IK: variants seen among roughly 807,000 people sequenced by gnomAD.
The protein encoded by IK is protein Red.
A neutral mutation model predicts 90.9 loss-of-function variants in IK; 47 were observed. That is an observed-to-expected ratio of 0.52 (90% CI 0.41 to 0.66). IK has a LOEUF of 0.66. Ranked by LOEUF, IK falls within the 30% of genes least tolerant of loss-of-function variation. The pLI is 0.00. For missense variants in IK, 385 were observed against 709.3 expected, an observed-to-expected ratio of 0.54 and a Z score of 5.19; for synonymous variants, 201 against 227.5, an observed-to-expected ratio of 0.88 and a Z score of 1.05.
rs1757757577 is a variant in IK at position 140,659,047 on chromosome 5, CCGTGACCGAGAGCGAGAGCGAGAA to C, written c.1062_1085del (p.Arg368_Glu375del). ...AGCGTGATCGGGAAAGAGACAGAGA[CCGTGACCGAGAGCGAGAGCGAGAA>C]CGAGATCGGGAACGAGAGCGAGAGC... On this transcript the variant is annotated inframe_deletion, in exon 12 of 20. Coordinates refer to ENST00000417647, the MANE Select transcript of IK (RefSeq NM_006083.4). The C allele has an allele frequency of 6.2e-7, 1 of 1,610,784 alleles. No homozygotes were observed. Among genetic ancestry groups the C allele is most frequent in the Non-Finnish European group, 8.5e-7 (1 of 1,177,280 alleles).
chr5:140,658,758 C>A lies in IK; in HGVS notation c.932C>A (p.Pro311His). Residue 311 changes from proline (P) to histidine (H), a missense_variant, in exon 11 of 20, where the codon CCT becomes CAT. Around this residue, in one of 8 missense-constraint regions of IK, gnomAD observed 139 missense variants for 172.0 expected, o/e 0.81. Coordinates refer to ENST00000417647, the MANE Select transcript of IK (RefSeq NM_006083.4). ...TCAGGGAAGCTGGAAGAGAAGAAACCTCCTGAGGCTGACATGAAGTATGTA... is the reference window on the plus strand; with the variant it reads ...TCAGGGAAGCTGGAAGAGAAGAAACATCCTGAGGCTGACATGAAGTATGTA... ...KDKGKLEEKK[P>H]PEADMNIFED... 1 of 1,611,292 alleles carries A rather than the reference C, an allele frequency of 6.2e-7. No individual in the cohort carries two copies. Among genetic ancestry groups the A allele is most frequent in the South Asian group, 1.1e-5 (1 of 90,494 alleles).
chr5:140,659,097 G>A lies in IK; in HGVS notation c.1109G>A (p.Arg370Gln), dbSNP rs771800073. The A allele has an allele frequency of 2.9e-5, 47 of 1,611,742 alleles. No individual in the cohort carries two copies. Among genetic ancestry groups the A allele is most frequent in the Admixed American group, 1.2e-4 (7 of 59,430 alleles). Residue 370 changes from arginine (R) to glutamine (Q), a missense_variant, in exon 12 of 20, where the codon CGG (arginine) becomes CAG (glutamine). This residue lies in a region of IK where 139 missense variants were observed against 172.0 expected (regional missense o/e 0.81). Transcript: ENST00000417647. ...RERDRERERE[R>Q]DREREEEKKR... Reference sequence around the variant, plus strand: ...CGAGATCGGGAACGAGAGCGAGAGCGGGACCGAGAGAGAGAAGAGGAAAAG... The same window carrying A: ...CGAGATCGGGAACGAGAGCGAGAGCAGGACCGAGAGAGAGAAGAGGAAAAG...
At chr5:140,657,685 A>G (rs531516469) in intron 10 of IK, 23 bp downstream of exon 10, 16 of 1,518,196 alleles carry the variant, frequency 1.1e-5, no homozygotes, top group Non-Finnish European at 1.4e-5. Context: ...TTAGAGAGAG[A>G]AGCCTTACCC....
Position 140,662,210 on chromosome 5 carries a change from A to C in IK, c.1643A>C (p.Asp548Ala). ...IIEKRKKMEA[D>A]GVEVKRPKY The stretch of plus-strand genomic sequence containing the variant: ...GAGAAGAGGAAGAAGATGGAAGCTG[A>C]TGGGTGAGCGGCATTATTCTTCCTC... The change falls in exon 19 of 20, where the codon GAT (aspartate) becomes GCT (alanine). Residue 548 changes from aspartate to alanine, a missense_variant. Transcript: ENST00000417647. 6.2e-7 allele frequency: 1 copy of C among 1,613,988 alleles called. No homozygotes were observed. The highest frequency in any genetic ancestry group is 8.5e-7 in the Non-Finnish European group (1 of 1,179,900).
chr5:140,653,221 AC>A, intron 5 of IK, 77 bp downstream of exon 5: 1 of 1,313,604 alleles, frequency 7.6e-7, no homozygotes. Context: ...TCTTCCTCTT[AC>A]TTTCCTGCCC....
At position 140,659,053 on chromosome 5, in the gene IK, CCGAGAG is replaced by C. The variant is rs763252870; in HGVS notation, c.1077_1082del (p.Glu361_Arg362del). 1.2e-5 allele frequency: 20 copies of C among 1,611,064 alleles called. No homozygotes were observed. Among genetic ancestry groups the C allele is most frequent in the African/African-American group, 9.4e-5 (7 of 74,730 alleles). On this transcript the variant is annotated inframe_deletion, in exon 12 of 20. Transcript: ENST00000417647. ...ATCGGGAAAGAGACAGAGACCGTGA[CCGAGAG>C]CGAGAGCGAGAACGAGATCGGGAAC...
chr5:140,650,815 G>T (rs1211918341), intron 2 of IK, among the ~76,000 whole-genome samples: 1 of 152,068 alleles, frequency 6.6e-6, no homozygotes, highest in Non-Finnish European at 1.5e-5. Flanking sequence ...CTGACCTCGG[G>T]TGATCCGCCT....
At position 140,657,552 on chromosome 5, in the gene IK, A is replaced by G. The variant is rs371984526; in HGVS notation, c.802-2A>G. ...AACATTCTTGTTTCTTGGTATTTTC[A>G]GGCCCAGACCACACTGACCACAAAT... On this transcript the variant is annotated splice_acceptor_variant, in intron 9 of 19. Transcript: ENST00000417647. LOFTEE classifies it high-confidence loss of function. 5.0e-5 allele frequency: 80 copies of G among 1,591,056 alleles called. No individual in the cohort carries two copies. Among genetic ancestry groups the G allele is most frequent in the South Asian group, 1.4e-4 (12 of 87,272 alleles).
chr5:140,660,238 GA>G, intron 15 of IK, 43 bp downstream of exon 15: 3 of 1,385,424 alleles, frequency 2.2e-6, no homozygotes, highest in Non-Finnish European at 3.1e-6. Flanking sequence ...GGATGATTGG[GA>G]AACAAGTTGG....
chr5:140,656,746 CA>C (rs1480272127), intron 9 of IK, among the ~76,000 whole-genome samples: 3 of 152,124 alleles, frequency 2.0e-5, no homozygotes, highest in Non-Finnish European at 4.4e-5. Flanking sequence ...TCCCGTTAAA[CA>C]TTTATCTTTT....
chr5:140,659,205 C>CT, intron 12 of IK, 41 bp downstream of exon 12: 1 of 1,602,198 alleles, frequency 6.2e-7, no homozygotes, highest in Non-Finnish European at 8.5e-7. Context: ...GGAGTTGCCC[C>CT]TCTCTGGAAA....
chr5:140,647,850 CGCTGCGGTGTT>C lies in IK; in HGVS notation c.-54_-44del. Reference sequence around the variant, plus strand: ...AGGTGCACTGTGGGAAAGAGCTTGTCGCTGCGGTGTTGCTGTTGGAGACTCGATTGTTGGTG... The same window carrying C: ...AGGTGCACTGTGGGAAAGAGCTTGTCGCTGTTGGAGACTCGATTGTTGGTG... On this transcript the variant is annotated 5_prime_UTR_variant, in exon 1 of 20. Transcript: ENST00000417647. The C allele has an allele frequency of 6.2e-7, 1 of 1,604,776 alleles. No homozygotes were observed. The highest frequency in any genetic ancestry group is 8.5e-7 in the Non-Finnish European group (1 of 1,171,532).
intron 18 of IK, 54 bp downstream of exon 18, chr5:140,662,061 C>G: frequency 3.2e-6 from 5 of 1,566,872 alleles, no homozygotes; most frequent in Non-Finnish European, 4.4e-6. Flanking sequence ...AAGACATTAG[C>G]CTGCAGATTC....
intron 1 of IK, 124 bp downstream of exon 1, chr5:140,648,048 GTA>G (rs1219919275): frequency 0.013 from 4,603 of 355,128 alleles, 101 homozygotes; most frequent in East Asian, 0.038. Flanking sequence ...GTGTGTGTAT[GTA>G]TGTATGTGTG....
intron 14 of IK, 67 bp from the exon 15 acceptor site, chr5:140,660,048 C>G: frequency 7.1e-7 from 1 of 1,410,102 alleles, no homozygotes; most frequent in Admixed American, 1.8e-5. Flanking sequence ...GCCCTTGGCC[C>G]CCTCCTGGCT....
Position 140,654,725 on chromosome 5 carries a change from T to C in IK, c.635T>C (p.Leu212Pro). 1 of 1,592,666 alleles carries C rather than the reference T, an allele frequency of 6.3e-7. No homozygotes were observed. The highest frequency in any genetic ancestry group is 8.6e-7 in the Non-Finnish European group (1 of 1,163,080). Residue 212 changes from leucine (L) to proline (P), a missense_variant and splice_region_variant, in exon 8 of 20, where the codon CTG (leucine) becomes CCG (proline). Leu to Pro is a moderately conservative substitution (Grantham distance 98). Around this residue, in one of 8 missense-constraint regions of IK, gnomAD observed 46 missense variants for 50.0 expected, o/e 0.92. Transcript: ENST00000417647. ...AATAAAATTGAATTTAAAACACGTC[T>C]GGGTGAGTACAGTTTCTATACTAGT... is the stretch of plus-strand genomic sequence containing the variant. ...PENKIEFKTR[L>P]GRNVYRMLFK...
Position 140,659,062 on chromosome 5 carries a change from A to G in IK, c.1074A>G (p.Arg358=), listed in dbSNP as rs1391132359. The change falls in exon 12 of 20, where the codon CGA becomes CGG. Residue 358 remains arginine, a synonymous_variant. Coordinates refer to ENST00000417647, the MANE Select transcript of IK (RefSeq NM_006083.4). Reference sequence around the variant, plus strand: ...GAGACAGAGACCGTGACCGAGAGCGAGAGCGAGAACGAGATCGGGAACGAG... The same window carrying G: ...GAGACAGAGACCGTGACCGAGAGCGGGAGCGAGAACGAGATCGGGAACGAG... ...RERDRDRDRE[R]ERERDRERER... 1 of 1,612,158 alleles carries G rather than the reference A, an allele frequency of 6.2e-7. No homozygotes were observed. Among genetic ancestry groups the G allele is most frequent in the Non-Finnish European group, 8.5e-7 (1 of 1,178,230 alleles).
At chr5:140,648,399 T>C in intron 1 of IK, 72 bp from the exon 2 acceptor site, 1 of 1,355,576 alleles carries the variant, frequency 7.4e-7, no homozygotes. Context: ...TGTTCACTAC[T>C]ATATCTCAAA....
At chr5:140,657,776 G>A in intron 10 of IK, 114 bp downstream of exon 10, 1 of 672,276 alleles carries the variant, frequency 1.5e-6, no homozygotes, top group Non-Finnish European at 2.6e-6. Context: ...GGGAAGCAGA[G>A]AAAAATGGGA....
Sources: gnomAD v4.1 joint callset for allele counts (sites outside exome capture counted in the v4.1 genomes callset) on GRCh38, gnomAD v4.1.1 for gene constraint, gnomAD v4.1.1 regional missense constraint, MANE v1.5 for transcripts, NCBI Gene and HGNC (gene_info 2026-07-23, HGNC 2026-07-21) for gene names.